Variants in KIF2A observed in about 807,000 individuals in gnomAD.
KIF2A encodes the protein kinesin-like protein KIF2A.
Under a neutral mutation model 100.2 loss-of-function variants are expected in KIF2A, and 22 were observed. The ratio of observed to expected loss-of-function variants is 0.22; its 90% confidence interval spans 0.16 to 0.31. KIF2A has a LOEUF of 0.31. Ranked by LOEUF, KIF2A falls within the 10% of genes least tolerant of loss-of-function variation. KIF2A has a pLI of 1.00. For synonymous variants in KIF2A, 268 were observed against 285.9 expected (o/e 0.94, Z 0.63); for missense variants, 495 against 898.7 (o/e 0.55, Z 5.74).
chr5:62,378,896 CAG>C (rs1393090531), intron 19 of KIF2A, among the ~76,000 whole-genome samples: 1 of 152,104 alleles, frequency 6.6e-6, no homozygotes, highest in Non-Finnish European at 1.5e-5. Flanking sequence ...GCCTGGGCAA[CAG>C]AGTGAGAAAA....
At chr5:62,351,547 G>A (rs1296787099) in intron 4 of KIF2A, among the ~76,000 whole-genome samples, 1 of 152,130 alleles carries the variant, frequency 6.6e-6, no homozygotes, top group Non-Finnish European at 1.5e-5. Flanking sequence ...TTATTTCTCT[G>A]TGTGTGGATG....
intron 1 of KIF2A, among the ~76,000 whole-genome samples, 179 bp downstream of exon 1, chr5:62,306,715 C>T (rs990617101): frequency 6.6e-6 from 1 of 152,102 alleles, no homozygotes; most frequent in African/African-American, 2.4e-5. Context: ...GGGGTCCGCC[C>T]GGGCGCTGCT....
At chr5:62,353,058 A>G (rs1747933972) in intron 5 of KIF2A, 2 of 445,406 alleles carry the variant, frequency 4.5e-6, no homozygotes, top group African/African-American at 2.1e-5. Flanking sequence ...ACATGTATCA[A>G]TATGTTTGAG....
chr5:62,319,898 T>C (rs1746018154), intron 1 of KIF2A, among the ~76,000 whole-genome samples: 1 of 152,150 alleles, frequency 6.6e-6, no homozygotes, highest in Non-Finnish European at 1.5e-5. Flanking sequence ...TATGTATGTA[T>C]GTATGTATAT....
chr5:62,370,601 A>AT (rs1741277520), intron 16 of KIF2A, among the ~76,000 whole-genome samples: 1 of 152,050 alleles, frequency 6.6e-6, no homozygotes, highest in South Asian at 2.1e-4. Context: ...CAGCCAGACA[A>AT]TTAGAGATAT....
chr5:62,350,172 C>A, intron 4 of KIF2A, 52 bp downstream of exon 4: 2 of 1,022,810 alleles, frequency 2.0e-6, no homozygotes, highest in South Asian at 3.2e-5. Context: ...TTAGTATGTT[C>A]CTGACAAGGT....
At chr5:62,310,935 A>G (rs1745523518) in intron 1 of KIF2A, among the ~76,000 whole-genome samples, 1 of 152,122 alleles carries the variant, frequency 6.6e-6, no homozygotes, top group South Asian at 2.1e-4. Context: ...GGACTGGGGA[A>G]GAAATGGGAA....
chr5:62,328,509 G>T lies in KIF2A; in HGVS notation c.65-18621G>T, dbSNP rs76766697. ...ACAGTGATTTAATACTCTTTTTTTT[G>T]AAATGGAGTTTTGCTCTCGTTGCCC... On this transcript the variant is annotated intron_variant, in intron 1 of 20. Transcript: ENST00000407818. 3.0e-3 allele frequency among the ~76,000 whole-genome samples: 451 copies of T among 151,062 alleles called. 5 individuals are homozygous for T. Among genetic ancestry groups the T allele is most frequent in the African/African-American group, 0.01 (428 of 41,244 alleles).
At chr5:62,359,342 T>C (rs1034658830) in intron 9 of KIF2A, among the ~76,000 whole-genome samples, 1 of 152,082 alleles carries the variant, frequency 6.6e-6, no homozygotes, top group Non-Finnish European at 1.5e-5. Context: ...TTCATAAAAA[T>C]GCCTAGAAAG....
intron 20 of KIF2A, among the ~76,000 whole-genome samples, chr5:62,384,759 C>T (rs189802174): frequency 6.6e-6 from 1 of 152,146 alleles, no homozygotes; most frequent in African/African-American, 2.4e-5. Flanking sequence ...TAGTCATCCC[C>T]CCTTCACAAT....
At chr5:62,344,967 C>T (rs976759901) in intron 1 of KIF2A, among the ~76,000 whole-genome samples, 5 of 152,144 alleles carry the variant, frequency 3.3e-5, no homozygotes, top group African/African-American at 9.7e-5. Flanking sequence ...GCCACAAGGC[C>T]GGGCGTGGTG....
chr5:62,318,504 TAA>T (rs1192984441), intron 1 of KIF2A, among the ~76,000 whole-genome samples: 1 of 152,272 alleles, frequency 6.6e-6, no homozygotes, highest in African/African-American at 2.4e-5. Context: ...AAGTATATGG[TAA>T]GTGCTTTCTT....
At chr5:62,341,176 T>C (rs1747272768) in intron 1 of KIF2A, among the ~76,000 whole-genome samples, 1 of 152,232 alleles carries the variant, frequency 6.6e-6, no homozygotes, top group Non-Finnish European at 1.5e-5. Context: ...CTCTAGAGTT[T>C]AGTCTTAGAT....
At position 62,350,103 on chromosome 5, in the gene KIF2A, C is replaced by A; in HGVS notation, c.317C>A (p.Pro106His). 1 of 1,586,554 alleles carries A rather than the reference C, an allele frequency of 6.3e-7. No homozygotes were observed. The highest frequency in any genetic ancestry group is 1.2e-5 in the South Asian group (1 of 85,948). ...GTAGCTTCTATTAAGAATGACCCTCCTTCAAGAGATAATAGAGGTAAAGTA... is the reference window on the plus strand; with the variant it reads ...GTAGCTTCTATTAAGAATGACCCTCATTCAAGAGATAATAGAGGTAAAGTA... The part of the protein sequence containing the change: ...RTVASIKNDP[P>H]SRDNRVVGSA... The change falls in exon 4 of 21, where the codon CCT becomes CAT. Residue 106 changes from proline (P) to histidine (H), a missense_variant. Coordinates refer to ENST00000407818, the MANE Select transcript of KIF2A (RefSeq NM_001098511.3).
intron 1 of KIF2A, among the ~76,000 whole-genome samples, chr5:62,345,489 A>AG (rs1293531531): frequency 3.7e-5 from 5 of 133,622 alleles, no homozygotes; most frequent in Non-Finnish European, 6.3e-5. Context: ...CTCAAAAAAA[A>AG]AAAAAGAAAA....
chr5:62,372,237 T>C (rs1020759685), intron 16 of KIF2A, among the ~76,000 whole-genome samples: 5 of 152,226 alleles, frequency 3.3e-5, no homozygotes, highest in African/African-American at 1.2e-4. Context: ...CTTAGGACTA[T>C]AGAGCAGGGG....
At chr5:62,321,725 G>A (rs1746098840) in intron 1 of KIF2A, among the ~76,000 whole-genome samples, 1 of 151,758 alleles carries the variant, frequency 6.6e-6, no homozygotes. Context: ...ACATCCGGTC[G>A]ATTTTTATAT....
chr5:62,315,041 G>A (rs1175905997), intron 1 of KIF2A, among the ~76,000 whole-genome samples: 3 of 151,958 alleles, frequency 2.0e-5, no homozygotes, highest in Non-Finnish European at 4.4e-5. Flanking sequence ...GGGATTATAG[G>A]TGTGAGCCAC....
intron 20 of KIF2A, among the ~76,000 whole-genome samples, chr5:62,381,553 G>A (rs1308802747): frequency 1.3e-5 from 2 of 152,160 alleles, no homozygotes; most frequent in Non-Finnish European, 2.9e-5. Context: ...GTAGGCTGAT[G>A]CTTATGAGAA....
Sources: gnomAD v4.1 joint callset for allele counts (sites outside exome capture counted in the v4.1 genomes callset) on GRCh38, gnomAD v4.1.1 for gene constraint, MANE v1.5 for transcripts, NCBI Gene and HGNC (gene_info 2026-07-23, HGNC 2026-07-21) for gene names.